Variants in MFSD11 observed in about 807,000 individuals in gnomAD.
MFSD11 encodes major facilitator superfamily domain containing 11, also known as UNC93-like protein MFSD11.
A neutral mutation model predicts 53.5 loss-of-function variants in MFSD11; 36 were observed. The observed-to-expected ratio is 0.67, with a 90% CI of 0.52 to 0.89. The LOEUF (loss-of-function observed/expected upper bound fraction) is 0.89, where lower values mean the gene tolerates loss of function less well. MFSD11 is among the 40% of genes least tolerant of loss of function. The pLI, the probability that MFSD11 is intolerant of heterozygous loss-of-function variation, is 0.00. For synonymous variants in MFSD11, 186 were observed against 184.9 expected, an observed-to-expected ratio of 1.01 and a Z score of -0.05; for missense variants, 530 against 543.9, an observed-to-expected ratio of 0.97 and a Z score of 0.25.
intron 2 of MFSD11, 133 bp from the exon 3 acceptor site, chr17:76,740,824 A>G (rs2078001624): frequency 3.2e-6 from 2 of 615,852 alleles, no homozygotes; most frequent in South Asian, 2.0e-5. Flanking sequence ...TGATATAACT[A>G]TCATAAATTC....
chr17:76,784,893 C>T (rs545321883), downstream of MFSD11, among the ~76,000 whole-genome samples: 8 of 152,024 alleles, frequency 5.3e-5, no homozygotes, highest in Non-Finnish European at 1.0e-4. Flanking sequence ...AGTGAGACTC[C>T]GTCTCAAAAA....
At chr17:76,769,929 G>A in intron 10 of MFSD11, 58 bp downstream of exon 10, 2 of 1,479,104 alleles carry the variant, frequency 1.4e-6, no homozygotes, top group Non-Finnish European at 1.8e-6. Flanking sequence ...AGGTAAAATA[G>A]AAATTTTAAG....
chr17:76,801,759 G>GTTA, the MFSD11 span, among the ~76,000 whole-genome samples: 17 of 152,048 alleles, frequency 1.1e-4, no homozygotes, highest in African/African-American at 4.1e-4. Flanking sequence ...GGTCACTTTA[G>GTTA]TTACCATCTT....
At chr17:76,765,749 C>T (rs1487300211) in intron 8 of MFSD11, among the ~76,000 whole-genome samples, 1 of 152,076 alleles carries the variant, frequency 6.6e-6, no homozygotes, top group Non-Finnish European at 1.5e-5. Flanking sequence ...GCCACCAGGT[C>T]TGGCCATGAA....
intron 2 of MFSD11, among the ~76,000 whole-genome samples, chr17:76,740,253 A>C (rs569933983): frequency 6.6e-6 from 1 of 152,222 alleles, no homozygotes; most frequent in South Asian, 2.1e-4. Context: ...AGAATAATTT[A>C]CTTTGGATTT....
At chr17:76,755,347 C>G (rs1466984896) in intron 8 of MFSD11, among the ~76,000 whole-genome samples, 1 of 152,180 alleles carries the variant, frequency 6.6e-6, no homozygotes, top group Non-Finnish European at 1.5e-5. Context: ...CTATGGCTCT[C>G]TCAGCTTCTT....
At chr17:76,803,137 C>T in the MFSD11 span, among the ~76,000 whole-genome samples, 1 of 151,932 alleles carries the variant, frequency 6.6e-6, no homozygotes, top group Non-Finnish European at 1.5e-5. Flanking sequence ...GCCTGGGTGA[C>T]AGAGTGAGAC....
intron 8 of MFSD11, among the ~76,000 whole-genome samples, chr17:76,761,074 G>A (rs1156537928): frequency 6.6e-6 from 1 of 151,986 alleles, no homozygotes; most frequent in Non-Finnish European, 1.5e-5. Flanking sequence ...ACACGGTGGT[G>A]AGTGCCTGTA....
downstream of MFSD11, among the ~76,000 whole-genome samples, chr17:76,782,116 T>C (rs1205786359): frequency 6.6e-6 from 1 of 151,806 alleles, no homozygotes; most frequent in Non-Finnish European, 1.5e-5. Context: ...CTACTATGCT[T>C]TTTTTTCTCC....
chr17:76,754,994 G>T (rs758088196), intron 8 of MFSD11, among the ~76,000 whole-genome samples: 1 of 152,050 alleles, frequency 6.6e-6, no homozygotes, highest in Admixed American at 6.6e-5. Flanking sequence ...ATGGTGAGTG[G>T]ATCACTTGAG....
intron 8 of MFSD11, among the ~76,000 whole-genome samples, chr17:76,756,104 A>T (rs1240381456): frequency 7.1e-6 from 1 of 141,560 alleles, no homozygotes; most frequent in Non-Finnish European, 1.5e-5. Context: ...GATTACAGGC[A>T]TGAGCCACTG....
chr17:76,767,392 C>G lies in MFSD11; in HGVS notation c.689C>G (p.Ser230Cys). 1.3e-6 allele frequency: 2 copies of G among 1,594,158 alleles called. No individual in the cohort carries two copies. Among genetic ancestry groups the G allele is most frequent in the Non-Finnish European group, 1.7e-6 (2 of 1,164,250 alleles). The change falls in exon 9 of 13, where the codon TCT becomes TGT. Residue 230 changes from serine (S) to cysteine (C), a missense_variant. Ser to Cys is a moderately radical substitution (Grantham distance 112). Transcript: ENST00000685175. ...LTKAVDAFKKSFKLCVTKEML... is the reference protein window; with the variant it reads ...LTKAVDAFKKCFKLCVTKEML... ...TAAATTTTTGTGTTTACAGAAAAGT[C>G]TTTTAAGTTATGTGTCACCAAGGAG...
intron 10 of MFSD11, chr17:76,773,184 C>A: frequency 6.6e-6 from 1 of 152,548 alleles, no homozygotes; most frequent in Non-Finnish European, 1.5e-5. Context: ...GCTTTCCTTT[C>A]TGATACCGTT....
chr17:76,788,602 A>C, the MFSD11 span, among the ~76,000 whole-genome samples: 1 of 149,542 alleles, frequency 6.7e-6, no homozygotes, highest in Non-Finnish European at 1.5e-5. Context: ...CTGTAATCTC[A>C]GCACTTTGGG....
At chr17:76,754,857 T>C (rs902618337) in intron 8 of MFSD11, among the ~76,000 whole-genome samples, 1 of 152,106 alleles carries the variant, frequency 6.6e-6, no homozygotes, top group Non-Finnish European at 1.5e-5. Flanking sequence ...ATTCTACGAG[T>C]ATTATATAAT....
At chr17:76,780,818 C>T (rs2082147566), downstream of MFSD11, among the ~76,000 whole-genome samples, 1 of 152,124 alleles carries the variant, frequency 6.6e-6, no homozygotes, top group Non-Finnish European at 1.5e-5. Flanking sequence ...CCAGCGGCTC[C>T]AGATTTTGAA....
chr17:76,753,654 C>G (rs2079274038), intron 7 of MFSD11, among the ~76,000 whole-genome samples: 1 of 142,952 alleles, frequency 7.0e-6, no homozygotes, highest in South Asian at 2.2e-4. Flanking sequence ...CATCACAGCA[C>G]TCCAGCCTGG....
rs371665659 is a variant in MFSD11, at chr17:76,772,504, A to C, written c.875-2493A>C. On this transcript the variant is annotated intron_variant, in intron 10 of 12. Transcript: ENST00000685175. ...AGGATTCATCTATTGTTAACGCTCT[A>C]CCTTAGTAACTTTTTTTTTTTTTTT... Among the ~76,000 whole-genome samples, 3 of 149,038 alleles carry C rather than the reference A, an allele frequency of 2.0e-5. No individual in the cohort carries two copies. The East Asian group carries it at 5.9e-4, about 29-fold the overall frequency.
At chr17:76,769,941 G>A in intron 10 of MFSD11, 70 bp downstream of exon 10, 3 of 1,387,744 alleles carry the variant, frequency 2.2e-6, no homozygotes, top group Admixed American at 2.3e-5. Context: ...AATTTTAAGT[G>A]TGCTTCACCT....
Sources: allele counts gnomAD v4.1 joint callset (sites outside exome capture counted in the v4.1 genomes callset), GRCh38; gene constraint gnomAD v4.1.1; transcripts MANE v1.5; gene names NCBI Gene and HGNC (gene_info 2026-07-23, HGNC 2026-07-21).